The following IL15RA variants were observed in gnomAD, a reference collection of about 807,000 sequenced individuals.
IL15RA encodes interleukin-15 receptor subunit alpha.
IL15RA carries 26 observed loss-of-function variants against 24.2 expected under a neutral mutation model. The observed-to-expected ratio is 1.07, with a 90% CI of 0.79 to 1.49. The LOEUF (loss-of-function observed/expected upper bound fraction) is 1.49. Among genes scored for constraint, IL15RA ranks in the 40% most tolerant of loss-of-function variants. The probability of loss-of-function intolerance (pLI) is 0.00; values close to 1 mark genes in which losing one functional copy is unlikely to be tolerated. For synonymous variants in IL15RA, 166 were observed against 157.6 expected (o/e 1.05, Z -0.40); for missense variants, 354 against 356.4 (o/e 0.99, Z 0.05).
chr10:5,953,585 G>A lies in IL15RA; in HGVS notation c.693-379C>T, dbSNP rs557659006. 5.3e-5 allele frequency among the ~76,000 whole-genome samples: 8 copies of A among 152,286 alleles called. No individual in the cohort carries two copies. In the South Asian group the frequency reaches 8.3e-4, roughly 16 times the overall value. ...ATCCACCAAAGACTCACCAAGTGCT[G>A]TTGGAGCAACTTACGCCACCCTGCC... is the stretch of plus-strand genomic sequence containing the variant. On this transcript the variant is annotated intron_variant, in intron 6 of 6. Coordinates refer to ENST00000379977, the MANE Select transcript of IL15RA (RefSeq NM_002189.4). This position sits in a 1 kb window ranked among gnomAD's most constrained non-coding sequence, Gnocchi z 5.3.
Position 5,953,599 on chromosome 10 carries a change from C to A in IL15RA, c.693-393G>T, listed in dbSNP as rs539603915. Among the ~76,000 whole-genome samples the A allele has an allele frequency of 3.0e-4, 46 of 152,296 alleles. 1 individual carries two copies. Among genetic ancestry groups the A allele is most frequent in the Non-Finnish European group, 1.2e-4 (8 of 68,034 alleles). ...CACCAAGTGCTGTTGGAGCAACTTA[C>A]GCCACCCTGCCATCACCCCACGCTT... On this transcript the variant is annotated intron_variant, in intron 6 of 6. Transcript: ENST00000379977. This position sits in a 1 kb window ranked among gnomAD's most constrained non-coding sequence, Gnocchi z 5.3.
rs1833999098 is a variant in IL15RA at position 5,952,846 on chromosome 10, C to G, written c.*249G>C. 2 of 587,756 alleles carry G rather than the reference C, an allele frequency of 3.4e-6. No homozygotes were observed. Among genetic ancestry groups the G allele is most frequent in the African/African-American group, 1.9e-5 (1 of 53,652 alleles). The allele number at this position is 587,756 out of a possible 1,614,324, so 36.4% of individuals were successfully genotyped here. ...AATCCTGCTCAGAAGCCTTTGGTCTCTCCTGGGAAGCTGGGCCCTGGGTCC... is the reference window on the plus strand; with the variant it reads ...AATCCTGCTCAGAAGCCTTTGGTCTGTCCTGGGAAGCTGGGCCCTGGGTCC... On this transcript the variant is annotated 3_prime_UTR_variant, in exon 7 of 7. Coordinates refer to ENST00000379977, the MANE Select transcript of IL15RA (RefSeq NM_002189.4).
In IL15RA at chr10:5,959,081, C is replaced by G. The variant is rs1316166118; in HGVS notation, c.616+673G>C. On this transcript the variant is annotated intron_variant, in intron 5 of 6. Transcript: ENST00000379977. The surrounding 1 kb of genome is among the most constrained non-coding windows in gnomAD (Gnocchi z 4.1). The stretch of plus-strand genomic sequence containing the variant: ...ACTTGCACGTTCTCTTTTCTATTCT[C>G]CTAGCCTTAGCATTGCGTGTGACTT... Among the ~76,000 whole-genome samples the G allele has an allele frequency of 6.6e-6, 1 of 152,074 alleles. No individual in the cohort carries two copies. Among genetic ancestry groups the G allele is most frequent in the Admixed American group, 6.6e-5 (1 of 15,262 alleles).
At chr10:5,954,403 C>T (rs2132262787) in intron 6 of IL15RA, among the ~76,000 whole-genome samples, 1 of 152,246 alleles carries the variant, frequency 6.6e-6, no homozygotes, top group South Asian at 2.1e-4. Flanking sequence ...CTATGCCCGA[C>T]CATGCCAATT....
At position 5,960,791 on chromosome 10, in the gene IL15RA, GA is replaced by G. The variant is rs1444676536; in HGVS notation, c.383-225del. ...TGGCTACTATCACGGCACGTATAAA[GA>G]AAAGATCAGCCAGACACAGTGGGTC... On this transcript the variant is annotated intron_variant, in intron 3 of 6. Coordinates refer to ENST00000379977, the MANE Select transcript of IL15RA (RefSeq NM_002189.4). The surrounding 1 kb of genome is among the most constrained non-coding windows in gnomAD (Gnocchi z 5.1). Among the ~76,000 whole-genome samples the G allele has an allele frequency of 6.6e-6, 1 of 152,164 alleles. No homozygotes were observed. Among genetic ancestry groups the G allele is most frequent in the Non-Finnish European group, 1.5e-5 (1 of 68,034 alleles).
At position 5,967,432 on chromosome 10, in the gene IL15RA, T is replaced by C. The variant is rs1429922073; in HGVS notation, c.89-1093A>G. The stretch of plus-strand genomic sequence containing the variant: ...TTTGGCCAGGATGGCCTTGATCTCT[T>C]GACCTTGTGATCATCCCGCTTTGGC... On this transcript the variant is annotated intron_variant, in intron 1 of 6. Coordinates refer to ENST00000379977, the MANE Select transcript of IL15RA (RefSeq NM_002189.4). The surrounding 1 kb of genome is among the most constrained non-coding windows in gnomAD (Gnocchi z 4.4). Among the ~76,000 whole-genome samples the C allele has an allele frequency of 6.6e-6, 1 of 151,914 alleles. No homozygotes were observed. Among genetic ancestry groups the C allele is most frequent in the Non-Finnish European group, 1.5e-5 (1 of 67,970 alleles).
At position 5,955,778 on chromosome 10, in the gene IL15RA, T is replaced by C. The variant is rs8177726; in HGVS notation, c.692+601A>G. 0.065 allele frequency among the ~76,000 whole-genome samples: 9,896 copies of C among 152,204 alleles called. 550 individuals are homozygous for C. The highest frequency in any genetic ancestry group is 0.15 in the African/African-American group (6,417 of 41,502). Reference sequence around the variant, plus strand: ...ATGAGGACTTTCAAGAATATATTCATGAGGGTATCACAAGAAGAATGGGTA... The same window carrying C: ...ATGAGGACTTTCAAGAATATATTCACGAGGGTATCACAAGAAGAATGGGTA... On this transcript the variant is annotated intron_variant, in intron 6 of 6. Transcript: ENST00000379977. The surrounding 1 kb of genome is among the most constrained non-coding windows in gnomAD (Gnocchi z 5.3).
In IL15RA at chr10:5,959,667, G is replaced by C. The variant is rs1304711334; in HGVS notation, c.616+87C>G. ...GGGGCTGCTGTCAGGGCTGTGCTGG[G>C]GCAGCGGGCCTGGGCCAGGACCACC... On this transcript the variant is annotated intron_variant, in intron 5 of 6. Coordinates refer to ENST00000379977, the MANE Select transcript of IL15RA (RefSeq NM_002189.4). The surrounding 1 kb of genome is among the most constrained non-coding windows in gnomAD (Gnocchi z 4.1). 8.6e-7 allele frequency: 1 copy of C among 1,163,598 alleles called. No homozygotes were observed. The highest frequency in any genetic ancestry group is 1.7e-5 in the Admixed American group (1 of 59,106). 72.1% of individuals were successfully genotyped at this position (1,163,598 alleles called of 1,614,324 possible). A position where few individuals can be genotyped will look rare whatever the true frequency, so the allele number is the denominator to read the frequency against.
At chr10:5,977,645 G>A, upstream of IL15RA, 3 of 1,254,092 alleles carry the variant, frequency 2.4e-6, no homozygotes, top group Non-Finnish European at 3.0e-6. Context: ...GAGGTGCAAA[G>A]CGGTGACAGA....
chr10:5,951,118 G>A (rs1399432173), downstream of IL15RA, among the ~76,000 whole-genome samples: 1 of 132,490 alleles, frequency 7.5e-6, no homozygotes, highest in African/African-American at 3.0e-5. Flanking sequence ...CTCCAGCCTG[G>A]GCGACAGAGC....
Position 5,968,661 on chromosome 10 carries a change from C to G in IL15RA, c.89-2322G>C. 1 of 644,158 alleles carries G rather than the reference C, an allele frequency of 1.6e-6. No individual in the cohort carries two copies. The highest frequency in any genetic ancestry group is 2.7e-5 in the East Asian group (1 of 36,670). 39.9% of individuals were successfully genotyped at this position (644,158 alleles called of 1,614,324 possible). A position where few individuals can be genotyped will look rare whatever the true frequency, so the allele number is the denominator to read the frequency against. On this transcript the variant is annotated intron_variant, in intron 1 of 6. Transcript: ENST00000379977. This position sits in a 1 kb window ranked among gnomAD's most constrained non-coding sequence, Gnocchi z 5.4. ...TGCTGGAGTGTCAGAGGCTTTTTCTCCATGTTCTGCTCCACACTGATCTTC... is the reference window on the plus strand; with the variant it reads ...TGCTGGAGTGTCAGAGGCTTTTTCTGCATGTTCTGCTCCACACTGATCTTC...
Position 5,963,807 on chromosome 10 carries a change from T to C in IL15RA, c.318A>G (p.Pro106=). 6.5e-7 allele frequency: 1 copy of C among 1,544,380 alleles called. No individual in the cohort carries two copies. The highest frequency in any genetic ancestry group is 1.3e-5 in the South Asian group (1 of 78,288). Residue 106 remains proline, a synonymous_variant, in exon 3 of 7, where the codon CCA becomes CCG. Coordinates refer to ENST00000379977, the MANE Select transcript of IL15RA (RefSeq NM_002189.4). This position sits in a 1 kb window ranked among gnomAD's most constrained non-coding sequence, Gnocchi z 5.3. The part of the protein sequence containing the change: ...DPALVHQRPA[P]PSTVTTAGVT... ...CCCCTGCCGTCGTTACTGTGGAGGG[T>C]GGCGCTGGCCTTTGGTGAACCAGGG... is the stretch of plus-strand genomic sequence containing the variant.
At chr10:5,954,977 C>T (rs541705819) in intron 6 of IL15RA, among the ~76,000 whole-genome samples, 6 of 151,892 alleles carry the variant, frequency 4.0e-5, no homozygotes, top group South Asian at 2.1e-4. Context: ...TTTTATTGGT[C>T]GGGATGGTAT....
chr10:5,951,643 TA>T (rs1457317754), downstream of IL15RA, among the ~76,000 whole-genome samples: 2 of 152,222 alleles, frequency 1.3e-5, no homozygotes, highest in African/African-American at 2.4e-5. Flanking sequence ...CTGGCCAACA[TA>T]GCAAAACCCT....
At position 5,963,655 on chromosome 10, in the gene IL15RA, A is replaced by G; in HGVS notation, c.382+88T>C. On this transcript the variant is annotated intron_variant, in intron 3 of 6. Transcript: ENST00000379977. The surrounding 1 kb of genome is among the most constrained non-coding windows in gnomAD (Gnocchi z 5.3). The stretch of plus-strand genomic sequence containing the variant: ...GCCTAAGTCTGCAGTGGCACACCAC[A>G]GAGGTCCGTGAGTCTGCAGGATTGG... The G allele has an allele frequency of 1.4e-6, 1 of 721,704 alleles. No individual in the cohort carries two copies. The highest frequency in any genetic ancestry group is 2.2e-6 in the Non-Finnish European group (1 of 459,012). 44.7% of individuals were successfully genotyped at this position (721,704 alleles called of 1,614,324 possible).
chr10:5,977,382 C>A (rs766928949), intron 1 of IL15RA, 23 bp downstream of exon 1: 11 of 1,166,472 alleles, frequency 9.4e-6, no homozygotes, highest in Non-Finnish European at 1.2e-5. Context: ...CCCGCCCGGG[C>A]GCCCCTGCTC....
At chr10:5,949,084 C>T (rs1436274818), downstream of IL15RA, 2 of 375,774 alleles carry the variant, frequency 5.3e-6, no homozygotes, top group Non-Finnish European at 1.1e-5. This position sits in a 1 kb window ranked among gnomAD's most constrained non-coding sequence, Gnocchi z 4.4. Context: ...GCATCTCCTC[C>T]ACCTTTTCCG....
At chr10:5,954,082 T>C (rs1410712438) in intron 6 of IL15RA, 1 of 151,812 alleles carries the variant, frequency 6.6e-6, no homozygotes, top group Non-Finnish European at 1.5e-5. Flanking sequence ...ATCTAACTAA[T>C]AACCCATTTG....
Position 5,966,822 on chromosome 10 carries a change from A to G in IL15RA, c.89-483T>C, listed in dbSNP as rs1817636242. Among the ~76,000 whole-genome samples the G allele has an allele frequency of 1.3e-5, 2 of 151,986 alleles. No individual in the cohort carries two copies. Among genetic ancestry groups the G allele is most frequent in the African/African-American group, 4.8e-5 (2 of 41,490 alleles). On this transcript the variant is annotated intron_variant, in intron 1 of 6. Coordinates refer to ENST00000379977, the MANE Select transcript of IL15RA (RefSeq NM_002189.4). The surrounding 1 kb of genome is among the most constrained non-coding windows in gnomAD (Gnocchi z 6.4). ...CCCATCTTTATTAAAAATACAAAAA[A>G]TTAGCCGGGCGTGGTGGCAGGCGCC... is the stretch of plus-strand genomic sequence containing the variant.
Sources: allele counts gnomAD v4.1 joint callset (sites outside exome capture counted in the v4.1 genomes callset), GRCh38; gene constraint gnomAD v4.1.1; non-coding constraint Gnocchi (gnomAD v3.1); transcripts MANE v1.5; gene names NCBI Gene and HGNC (gene_info 2026-07-23, HGNC 2026-07-21).